The following LIN7A variants were observed in gnomAD, a reference collection of about 807,000 sequenced individuals.
LIN7A encodes the protein protein lin-7 homolog A.
In LIN7A, 25 loss-of-function variants were observed where a neutral mutation model predicts 29.8. The observed-to-expected ratio is 0.84, with a 90% CI of 0.61 to 1.17. The LOEUF is 1.17. Among genes scored for constraint, LIN7A ranks in the 50% most tolerant of loss-of-function variants. LIN7A has a pLI of 0.00. For synonymous variants in LIN7A, 118 were observed against 107.5 expected, an observed-to-expected ratio of 1.10 and a Z score of -0.60; for missense variants, 239 against 287.0, an observed-to-expected ratio of 0.83 and a Z score of 1.21.
chr12:80,848,971 A>T (rs560618188), intron 2 of LIN7A, among the ~76,000 whole-genome samples: 1 of 152,174 alleles, frequency 6.6e-6, no homozygotes, highest in Non-Finnish European at 1.5e-5. Context: ...CTATTTGTTG[A>T]GTGTCTGGGA....
intron 1 of LIN7A, among the ~76,000 whole-genome samples, chr12:80,923,653 C>T (rs1877431349): frequency 6.6e-6 from 1 of 152,006 alleles, no homozygotes; most frequent in Non-Finnish European, 1.5e-5. Flanking sequence ...CCTGGTGTGC[C>T]TTCTACCTGT....
At chr12:80,866,734 T>C (rs1874156027) in intron 2 of LIN7A, among the ~76,000 whole-genome samples, 1 of 152,108 alleles carries the variant, frequency 6.6e-6, no homozygotes, top group African/African-American at 2.4e-5. Flanking sequence ...GAAAAACTAA[T>C]AACATGAAAG....
At chr12:80,928,535 G>T (rs912628127) in intron 1 of LIN7A, among the ~76,000 whole-genome samples, 1 of 152,108 alleles carries the variant, frequency 6.6e-6, no homozygotes, top group African/African-American at 2.4e-5. Flanking sequence ...CCCATTTTTT[G>T]ATGGGGTTGT....
At chr12:80,864,768 G>C (rs1363551957) in intron 2 of LIN7A, among the ~76,000 whole-genome samples, 1 of 152,190 alleles carries the variant, frequency 6.6e-6, no homozygotes, top group Non-Finnish European at 1.5e-5. Context: ...CTCTAAAAGA[G>C]AAAGTAGGTC....
chr12:80,863,239 C>T (rs940149608), intron 2 of LIN7A, among the ~76,000 whole-genome samples: 4 of 152,188 alleles, frequency 2.6e-5, no homozygotes, highest in African/African-American at 7.2e-5. Context: ...ATTATTTCAA[C>T]GACTGAATAG....
intron 2 of LIN7A, among the ~76,000 whole-genome samples, chr12:80,884,901 AG>A (rs1245338779): frequency 2.0e-5 from 3 of 152,180 alleles, no homozygotes; most frequent in Admixed American, 6.5e-5. Flanking sequence ...GACCACTGTT[AG>A]CAGCACATCA....
intron 1 of LIN7A, among the ~76,000 whole-genome samples, chr12:80,923,581 G>A (rs1291887237): frequency 6.6e-6 from 1 of 152,068 alleles, no homozygotes; most frequent in Non-Finnish European, 1.5e-5. Context: ...ACATTGCTAT[G>A]TAAGTTCCTT....
chr12:80,930,523 A>G (rs1434951834), intron 1 of LIN7A, among the ~76,000 whole-genome samples: 3 of 152,236 alleles, frequency 2.0e-5, no homozygotes, highest in Non-Finnish European at 4.4e-5. Context: ...GGTTAAAAAA[A>G]TTGAAAAGCG....
chr12:80,820,236 A>C (rs931972031), intron 4 of LIN7A, among the ~76,000 whole-genome samples: 6 of 152,200 alleles, frequency 3.9e-5, no homozygotes, highest in Non-Finnish European at 8.8e-5. Flanking sequence ...GGGGAAAATC[A>C]TCAAATAACT....
At chr12:80,851,780 G>A (rs901882436) in intron 2 of LIN7A, among the ~76,000 whole-genome samples, 1 of 151,928 alleles carries the variant, frequency 6.6e-6, no homozygotes, top group South Asian at 2.1e-4. Flanking sequence ...ACATTTCATT[G>A]GTAAAATGGG....
intron 2 of LIN7A, among the ~76,000 whole-genome samples, chr12:80,886,007 G>A (rs1345391292): frequency 6.6e-6 from 1 of 152,050 alleles, no homozygotes; most frequent in East Asian, 1.9e-4. Flanking sequence ...GTTGGCAAAA[G>A]TGTGACCTAT....
At chr12:80,876,609 C>T (rs1157201218) in intron 2 of LIN7A, among the ~76,000 whole-genome samples, 2 of 152,202 alleles carry the variant, frequency 1.3e-5, no homozygotes, top group South Asian at 2.1e-4. Context: ...GAAAAAGAAA[C>T]ACATATGGCC....
chr12:80,897,737 G>A (rs1008952669), intron 1 of LIN7A, among the ~76,000 whole-genome samples: 3 of 152,022 alleles, frequency 2.0e-5, no homozygotes, highest in East Asian at 3.9e-4. Flanking sequence ...CCTGGGAGGC[G>A]GAGGTTGCAG....
intron 2 of LIN7A, among the ~76,000 whole-genome samples, chr12:80,865,563 T>C (rs576893136): frequency 2.4e-4 from 37 of 152,270 alleles, no homozygotes; most frequent in African/African-American, 8.9e-4. Context: ...GACAACAATG[T>C]AGTGTGATCA....
At chr12:80,845,676 C>T in intron 4 of LIN7A, 54 bp downstream of exon 4, 1 of 1,395,870 alleles carries the variant, frequency 7.2e-7, no homozygotes, top group Non-Finnish European at 9.9e-7. Context: ...TAGCAGGGGG[C>T]AAAAAAAAAG....
At chr12:80,829,825 C>A (rs11832495) in intron 4 of LIN7A, among the ~76,000 whole-genome samples, 20,346 of 152,200 alleles carry the variant, frequency 0.13, 1,671 homozygotes, top group African/African-American at 0.22. Context: ...GAGATAGATA[C>A]TAATGAGATC....
At chr12:80,864,674 T>C (rs1565906578) in intron 2 of LIN7A, among the ~76,000 whole-genome samples, 1 of 152,198 alleles carries the variant, frequency 6.6e-6, no homozygotes, top group Non-Finnish European at 1.5e-5. Flanking sequence ...TTGGAAGTGA[T>C]ATGCCAGGTT....
intron 1 of LIN7A, among the ~76,000 whole-genome samples, chr12:80,922,689 C>T (rs922115814): frequency 5.9e-5 from 9 of 152,110 alleles, no homozygotes; most frequent in African/African-American, 1.4e-4. Context: ...TCCTCAGTTT[C>T]GATTTCTGTG....
intron 1 of LIN7A, among the ~76,000 whole-genome samples, chr12:80,932,889 A>G (rs1484872723): frequency 6.6e-6 from 1 of 152,216 alleles, no homozygotes; most frequent in African/African-American, 2.4e-5. Flanking sequence ...GCTGAAGGTC[A>G]TTCCTGGTTT....
Sources: gnomAD v4.1 joint callset for allele counts (sites outside exome capture counted in the v4.1 genomes callset) on GRCh38, gnomAD v4.1.1 for gene constraint, MANE v1.5 for transcripts, NCBI Gene and HGNC (gene_info 2026-07-23, HGNC 2026-07-21) for gene names.